The following TRIO variants were observed in gnomAD, a reference collection of about 807,000 sequenced individuals.
TRIO encodes triple functional domain protein.
A neutral mutation model predicts 351.9 loss-of-function variants in TRIO; 58 were observed. The observed-to-expected ratio is 0.16, with a 90% CI of 0.13 to 0.21. TRIO has a LOEUF of 0.21. TRIO is among the 10% of genes least tolerant of loss of function. TRIO has a pLI of 1.00. For synonymous variants in TRIO, 1,758 were observed against 1,595.7 expected, an observed-to-expected ratio of 1.10 and a Z score of -2.42; for missense variants, 3,201 against 4,027.8, an observed-to-expected ratio of 0.79 and a Z score of 5.56.
chr5:14,387,684 T>A (rs753665211), intron 22 of TRIO, 48 bp from the exon 23 acceptor site: 3 of 1,610,062 alleles, frequency 1.9e-6, no homozygotes, highest in Middle Eastern at 3.3e-4. Context: ...CCTAACGCCC[T>A]CTCTGCTGAT....
chr5:14,472,604 A>G lies in TRIO; in HGVS notation c.5925A>G (p.Gln1975=). 1 of 1,614,140 alleles carries G rather than the reference A, an allele frequency of 6.2e-7. No homozygotes were observed. Among genetic ancestry groups the G allele is most frequent in the Non-Finnish European group, 8.5e-7 (1 of 1,179,988 alleles). ...SSLKRRHYVL[Q]ELVETERDYV... ...TTTTTCTCTCCAGCTACGTTTTGCAAGAACTAGTGGAGACAGAGCGTGACT... is the reference window on the plus strand; with the variant it reads ...TTTTTCTCTCCAGCTACGTTTTGCAGGAACTAGTGGAGACAGAGCGTGACT... Residue 1975 remains glutamine (Q), a synonymous_variant, in exon 39 of 57, where the codon CAA becomes CAG. Coordinates refer to ENST00000344204, the MANE Select transcript of TRIO (RefSeq NM_007118.4).
At chr5:14,369,284 T>G in intron 17 of TRIO, 90 bp from the exon 18 acceptor site, 5 of 1,492,462 alleles carry the variant, frequency 3.4e-6, no homozygotes. Context: ...AGCATCTTCA[T>G]CCCCAGAGCC....
At position 14,369,383 on chromosome 5, in the gene TRIO, G is replaced by A; in HGVS notation, c.3076G>A (p.Val1026Ile). Reference protein sequence around the residue: ...FYKTSEQVCSVLESLEQEYKR... With the variant: ...FYKTSEQVCSILESLEQEYKR... ...CTTTTCCTGCTCACAGGTCTGCAGC[G>A]TCCTCGAGAGCCTGGAACAGGAGTA... Residue 1026 changes from valine to isoleucine, a missense_variant, in exon 18 of 57, where the codon GTC (valine) becomes ATC (isoleucine). By Grantham distance (29) the Val-to-Ile change is conservative. Around this residue, in one of 19 missense-constraint regions of TRIO, gnomAD observed 363 missense variants for 553.5 expected, o/e 0.66. Coordinates refer to ENST00000344204, the MANE Select transcript of TRIO (RefSeq NM_007118.4). 1.2e-6 allele frequency: 2 copies of A among 1,612,824 alleles called. No individual in the cohort carries two copies. The highest frequency in any genetic ancestry group is 1.7e-6 in the Non-Finnish European group (2 of 1,179,392).
chr5:14,280,286 T>G, intron 2 of TRIO, 36 bp from the exon 3 acceptor site: 2 of 1,573,688 alleles, frequency 1.3e-6, no homozygotes, highest in Non-Finnish European at 1.7e-6. Flanking sequence ...CTGTCTTATC[T>G]TGTGTCTAAG....
In TRIO at chr5:14,508,579, CAG is replaced by C. The variant is rs1044705236; in HGVS notation, c.*160_*161del. The C allele has an allele frequency of 2.7e-5, 26 of 962,846 alleles. No individual in the cohort carries two copies. Among genetic ancestry groups the C allele is most frequent in the Admixed American group, 5.9e-5 (2 of 34,088 alleles). The allele number at this position is 962,846 out of a possible 1,614,324, so 59.6% of individuals were successfully genotyped here. A position where few individuals can be genotyped will look rare whatever the true frequency, so the allele number is the denominator to read the frequency against. ...AGCTGTGCTCAGCAGTGCTTGGACACAGAGCTGCAAGCTGCGCTGGGGTGGAG... is the reference window on the plus strand; with the variant it reads ...AGCTGTGCTCAGCAGTGCTTGGACACAGCTGCAAGCTGCGCTGGGGTGGAG... On this transcript the variant is annotated 3_prime_UTR_variant, in exon 57 of 57. Transcript: ENST00000344204.
Position 14,474,071 on chromosome 5 carries a change from C to A in TRIO, c.6057C>A (p.Ile2019=). The A allele has an allele frequency of 6.2e-7, 1 of 1,613,414 alleles. No individual in the cohort carries two copies. Among genetic ancestry groups the A allele is most frequent in the African/African-American group, 1.3e-5 (1 of 75,054 alleles). ...KGKDKIVFGN[I]HQIYDWHRDF... is the part of the protein sequence containing the mutation. ...AAGACAAAATTGTGTTCGGCAACAT[C>A]CATCAGATTTACGACTGGCACAGAG... The change falls in exon 40 of 57, where the codon ATC becomes ATA. Residue 2019 remains isoleucine, a synonymous_variant. Transcript: ENST00000344204.
rs56351044 is a variant in TRIO, at chr5:14,497,746, T to C, written c.8020-101T>C. ...TTTGATTGATGCCCAGGCAAGTCAG[T>C]TTCTGCAAATCTTTCAACAATAATT... On this transcript the variant is annotated intron_variant, in intron 50 of 56. Coordinates refer to ENST00000344204, the MANE Select transcript of TRIO (RefSeq NM_007118.4). The surrounding 1 kb of genome is among the most constrained non-coding windows in gnomAD (Gnocchi z 4.4). The C allele has an allele frequency of 1.5e-3, 2,271 of 1,503,344 alleles. 46 individuals are homozygous for C. The African/African-American group carries it at 0.028, about 19-fold the overall frequency. 93.1% of individuals were successfully genotyped at this position (1,503,344 alleles called of 1,614,324 possible).
intron 3 of TRIO, among the ~76,000 whole-genome samples, chr5:14,282,798 C>G (rs1400849821): frequency 6.6e-6 from 1 of 152,162 alleles, no homozygotes; most frequent in East Asian, 1.9e-4. Flanking sequence ...TGAACAGTCT[C>G]TTCATGTCAG....
intron 34 of TRIO, among the ~76,000 whole-genome samples, chr5:14,460,665 A>G (rs1753710294): frequency 6.6e-6 from 1 of 152,186 alleles, no homozygotes; most frequent in African/African-American, 2.4e-5. Flanking sequence ...ATGATTTTAA[A>G]ATTCTGTCCT....
At chr5:14,484,082 A>G (rs970545550) in intron 46 of TRIO, among the ~76,000 whole-genome samples, 1 of 150,948 alleles carries the variant, frequency 6.6e-6, no homozygotes, top group Non-Finnish European at 1.5e-5. Flanking sequence ...GCACTCATCC[A>G]TCCCGGGCAC....
intron 1 of TRIO, among the ~76,000 whole-genome samples, chr5:14,199,585 T>A (rs564147541): frequency 6.6e-6 from 1 of 152,364 alleles, no homozygotes; most frequent in East Asian, 1.9e-4. Context: ...AGTGGGCTTA[T>A]GGAGAGGATG....
chr5:14,346,198 A>G (rs537914688), intron 11 of TRIO, among the ~76,000 whole-genome samples: 2 of 152,342 alleles, frequency 1.3e-5, no homozygotes, highest in East Asian at 3.9e-4. Flanking sequence ...AATCAGAACC[A>G]GAAGATCAAG....
chr5:14,485,447 G>A (rs1331858303), intron 47 of TRIO, among the ~76,000 whole-genome samples: 2 of 152,176 alleles, frequency 1.3e-5, no homozygotes, highest in Non-Finnish European at 2.9e-5. Context: ...CTTTACAGAT[G>A]AGAAAGCTGG....
At chr5:14,326,045 G>A (rs562068643) in intron 9 of TRIO, among the ~76,000 whole-genome samples, 7 of 152,108 alleles carry the variant, frequency 4.6e-5, no homozygotes, top group South Asian at 2.1e-4. Flanking sequence ...CAGTGTAGAC[G>A]GGAGGATGAG....
Position 14,509,388 on chromosome 5 carries a change from G to GTT in TRIO, c.*967_*968dup. On this transcript the variant is annotated 3_prime_UTR_variant, in exon 57 of 57. Coordinates refer to ENST00000344204, the MANE Select transcript of TRIO (RefSeq NM_007118.4). ...GTGAGCTTTATGGTTTTGTGTGTGTGTTGGGGTTGGCGGGTGGGTGGGTAG... is the reference window on the plus strand; with the variant it reads ...GTGAGCTTTATGGTTTTGTGTGTGTGTTTTGGGGTTGGCGGGTGGGTGGGTAG... 1 of 425,580 alleles carries GTT rather than the reference G, an allele frequency of 2.3e-6. No homozygotes were observed. The highest frequency in any genetic ancestry group is 1.6e-5 in the South Asian group (1 of 61,836). The allele number at this position is 425,580 out of a possible 1,614,324, so 26.4% of individuals were successfully genotyped here. A position where few individuals can be genotyped will look rare whatever the true frequency, so the allele number is the denominator to read the frequency against.
intron 19 of TRIO, among the ~76,000 whole-genome samples, chr5:14,375,898 G>A (rs550720063): frequency 6.6e-6 from 1 of 152,276 alleles, no homozygotes; most frequent in South Asian, 2.1e-4. Flanking sequence ...TTATCTCACT[G>A]TGCTAGTTTA....
chr5:14,406,206 A>G (rs1052734532), intron 32 of TRIO: 33 of 709,570 alleles, frequency 4.7e-5, no homozygotes, highest in Middle Eastern at 8.1e-4. Flanking sequence ...CTGTGTGCAA[A>G]CCTCTCATTG....
chr5:14,348,591 A>G (rs1340504943), intron 11 of TRIO, among the ~76,000 whole-genome samples: 1 of 152,226 alleles, frequency 6.6e-6, no homozygotes, highest in African/African-American at 2.4e-5. Context: ...ATGCATGTGC[A>G]TGCACATCAG....
intron 19 of TRIO, among the ~76,000 whole-genome samples, chr5:14,374,656 G>A (rs1745400616): frequency 6.6e-6 from 1 of 151,844 alleles, no homozygotes; most frequent in Non-Finnish European, 1.5e-5. Context: ...ATAAATAGGG[G>A]GAAAGGGAAA....
Sources: allele counts gnomAD v4.1 joint callset (sites outside exome capture counted in the v4.1 genomes callset), GRCh38; gene constraint gnomAD v4.1.1; regional missense constraint gnomAD v4.1.1; non-coding constraint Gnocchi (gnomAD v3.1); transcripts MANE v1.5; gene names NCBI Gene and HGNC (gene_info 2026-07-23, HGNC 2026-07-21).